The following LARP1B variants were observed in gnomAD, a reference collection of about 807,000 sequenced individuals.
LARP1B encodes the protein la-related protein 1B.
Under a neutral mutation model 114.2 loss-of-function variants are expected in LARP1B, and 76 were observed. The ratio of observed to expected loss-of-function variants is 0.67; its 90% CI spans 0.55 to 0.81. The LOEUF (loss-of-function observed/expected upper bound fraction) is 0.81, where lower values mean the gene tolerates loss of function less well. Among genes scored for constraint, LARP1B ranks in the 30% least tolerant of loss-of-function variants. The pLI is 0.00. For synonymous variants in LARP1B, 345 were observed against 348.0 expected, an observed-to-expected ratio of 0.99 and a Z score of 0.10; for missense variants, 1,014 against 1,075.8, an observed-to-expected ratio of 0.94 and a Z score of 0.80.
At chr4:128,109,460 G>A (rs188536494) in intron 9 of LARP1B, among the ~76,000 whole-genome samples, 78 of 152,156 alleles carry the variant, frequency 5.1e-4, no homozygotes, top group Non-Finnish European at 9.3e-4. Context: ...TTTTCTAATA[G>A]GGGTTGAACT....
rs763524646 is a variant in LARP1B, at chr4:128,178,611, T to C, written c.1865T>C (p.Val622Ala). 2 of 1,613,964 alleles carry C rather than the reference T, an allele frequency of 1.2e-6. No homozygotes were observed. Among genetic ancestry groups the C allele is most frequent in the African/African-American group, 2.7e-5 (2 of 74,916 alleles). Residue 622 changes from valine to alanine, a missense_variant, in exon 14 of 20, where the codon GTT (valine) becomes GCT (alanine). Val to Ala is a moderately conservative substitution (Grantham distance 64, BLOSUM62 0). Transcript: ENST00000326639. ...DPNKTPRFYP[V>A]VKEPKAIDVK... Reference sequence around the variant, plus strand: ...AACAAAACACCAAGATTTTATCCTGTTGTTAAAGAACCAAAAGCCATTGAT... The same window carrying C: ...AACAAAACACCAAGATTTTATCCTGCTGTTAAAGAACCAAAAGCCATTGAT...
chr4:128,078,058 G>A, intron 4 of LARP1B, 96 bp downstream of exon 4: 1 of 780,688 alleles, frequency 1.3e-6, no homozygotes, highest in Non-Finnish European at 1.9e-6. Context: ...AGTCAAAAAT[G>A]TATAGTTTGT....
chr4:128,187,959 C>G (rs893263877), intron 15 of LARP1B, among the ~76,000 whole-genome samples: 2 of 152,152 alleles, frequency 1.3e-5, no homozygotes, highest in Non-Finnish European at 2.9e-5. Context: ...TGCCTTCCAC[C>G]ATGATTGTAA....
chr4:128,082,358 C>G (rs1191716950), intron 5 of LARP1B, 53 bp downstream of exon 5: 1 of 1,528,528 alleles, frequency 6.5e-7, no homozygotes, highest in Non-Finnish European at 9.0e-7. Flanking sequence ...AGTCTTAATG[C>G]TCGTTATTTT....
At chr4:128,217,233 A>G (rs918008485) in intron 6 of LARP1B, among the ~76,000 whole-genome samples, 4 of 113,746 alleles carry the variant, frequency 3.5e-5, no homozygotes, top group Non-Finnish European at 7.2e-5. Context: ...AACTGGTACC[A>G]TTCCTTCTGA....
At chr4:128,174,758 A>G (rs1257887914) in intron 12 of LARP1B, among the ~76,000 whole-genome samples, 1 of 152,082 alleles carries the variant, frequency 6.6e-6, no homozygotes, top group African/African-American at 2.4e-5. Context: ...GAATCTCAAA[A>G]TCATATCATT....
At chr4:128,171,494 ATGTT>A (rs1415720456) in intron 12 of LARP1B, among the ~76,000 whole-genome samples, 1 of 152,146 alleles carries the variant, frequency 6.6e-6, no homozygotes, top group Non-Finnish European at 1.5e-5. Context: ...CCATCAGACA[ATGTT>A]TGATTGTCTT....
At chr4:128,122,284 A>C (rs1323709680) in intron 11 of LARP1B, 96 bp downstream of exon 11, 6 of 1,533,372 alleles carry the variant, frequency 3.9e-6, no homozygotes, top group Non-Finnish European at 5.3e-6. Context: ...ATTTTATGAA[A>C]TGTTGAATAT....
At chr4:128,175,235 A>G (rs1436865869) in intron 12 of LARP1B, among the ~76,000 whole-genome samples, 1 of 152,086 alleles carries the variant, frequency 6.6e-6, no homozygotes, top group Admixed American at 6.6e-5. Flanking sequence ...AGGTTTTGGC[A>G]TGGTTTTTTT....
intron 11 of LARP1B, among the ~76,000 whole-genome samples, chr4:128,161,014 T>A (rs868065395): frequency 2.6e-5 from 4 of 152,348 alleles, no homozygotes; most frequent in Middle Eastern, 3.4e-3. Context: ...TCTTATGTTT[T>A]TTACTTGCTT....
At chr4:128,065,331 C>CTTTTCTTTTCT (rs1553982928) in intron 1 of LARP1B, among the ~76,000 whole-genome samples, 2 of 73,240 alleles carry the variant, frequency 2.7e-5, no homozygotes, top group African/African-American at 4.7e-5. Flanking sequence ...CTCTCTCTCT[C>CTTTTCTTTTCT]TTTCCTTTCT....
At position 128,122,201 on chromosome 4, in the gene LARP1B, G is replaced by C. The variant is rs1788164485; in HGVS notation, c.1524+13G>C. The C allele has an allele frequency of 6.2e-7, 1 of 1,609,562 alleles. No homozygotes were observed. Among genetic ancestry groups the C allele is most frequent in the Non-Finnish European group, 8.5e-7 (1 of 1,176,874 alleles). ...CACAGCCATAAAGGTAATTGTTTCT[G>C]GCCAACATCTTTCTACTGATGCTTT... On this transcript the variant is annotated intron_variant, in intron 11 of 19. Coordinates refer to ENST00000326639, the MANE Select transcript of LARP1B (RefSeq NM_018078.4).
intron 15 of LARP1B, among the ~76,000 whole-genome samples, chr4:128,183,422 A>G (rs550395668): frequency 6.6e-6 from 1 of 152,320 alleles, no homozygotes; most frequent in East Asian, 1.9e-4. Context: ...TAGAACAACA[A>G]AGTCTATGTG....
At chr4:128,171,511 A>G (rs1337651513) in intron 12 of LARP1B, among the ~76,000 whole-genome samples, 1 of 152,132 alleles carries the variant, frequency 6.6e-6, no homozygotes, top group East Asian at 1.9e-4. Flanking sequence ...ATTGTCTTTC[A>G]AGCGTGTTTT....
chr4:128,200,618 T>C lies in LARP1B; in HGVS notation c.2262T>C (p.Tyr754=). The stretch of plus-strand genomic sequence containing the variant: ...GAGATCACTTCAATAAAAAAATGTA[T>C]GAGGAATTTAGACAACTTGCTTGGG... ...FLRDHFNKKM[Y]EEFRQLAWED... The change falls in exon 17 of 20, where the codon TAT becomes TAC. Residue 754 remains tyrosine, a synonymous_variant. Transcript: ENST00000326639. The C allele has an allele frequency of 1.3e-6, 2 of 1,590,848 alleles. No homozygotes were observed. Among genetic ancestry groups the C allele is most frequent in the Non-Finnish European group, 1.7e-6 (2 of 1,170,420 alleles).
intron 15 of LARP1B, 89 bp from the exon 16 acceptor site, chr4:128,199,350 C>A: frequency 9.6e-7 from 1 of 1,040,436 alleles, no homozygotes; most frequent in Non-Finnish European, 1.3e-6. Flanking sequence ...TGCTTAGACC[C>A]CCAATAATGA....
intron 11 of LARP1B, among the ~76,000 whole-genome samples, chr4:128,129,048 C>T (rs1034785352): frequency 6.6e-6 from 1 of 151,422 alleles, no homozygotes; most frequent in African/African-American, 2.4e-5. Flanking sequence ...GCCTGTAGTC[C>T]CAGCTACTCA....
At chr4:128,164,618 A>G (rs1739919582) in intron 12 of LARP1B, among the ~76,000 whole-genome samples, 1 of 152,176 alleles carries the variant, frequency 6.6e-6, no homozygotes, top group South Asian at 2.1e-4. Context: ...AGGTTTTCCA[A>G]TTAAAACCAT....
At chr4:128,078,441 AC>A (rs1358773025) in intron 4 of LARP1B, among the ~76,000 whole-genome samples, 1 of 152,082 alleles carries the variant, frequency 6.6e-6, no homozygotes. Flanking sequence ...CACTAAAAAT[AC>A]ACAAAAAAAT....
Sources: gnomAD v4.1 joint callset for allele counts (sites outside exome capture counted in the v4.1 genomes callset) on GRCh38, gnomAD v4.1.1 for gene constraint, MANE v1.5 for transcripts, NCBI Gene and HGNC (gene_info 2026-07-23, HGNC 2026-07-21) for gene names.